PRKN: variants seen among roughly 807,000 people sequenced by gnomAD.
PRKN encodes E3 ubiquitin-protein ligase parkin.
Under a neutral mutation model 59.5 loss-of-function variants are expected in PRKN, and 56 were observed. That is an observed-to-expected ratio of 0.94 (90% CI 0.76 to 1.18). PRKN has a LOEUF of 1.18. Ranked by LOEUF, PRKN falls within the 50% of genes most tolerant of loss-of-function variation. PRKN has a pLI of 0.00. For synonymous variants in PRKN, 250 were observed against 222.1 expected (o/e 1.13, Z -1.12); for missense variants, 657 against 596.4 (o/e 1.10, Z -1.06).
At chr6:162,216,194 C>T (rs1175102558) in intron 3 of PRKN, among the ~76,000 whole-genome samples, 2 of 152,110 alleles carry the variant, frequency 1.3e-5, no homozygotes, top group African/African-American at 4.8e-5. Context: ...ATTTTCCAAA[C>T]TAATTAAACA....
rs1345677648 is a variant in PRKN at position 161,448,747 on chromosome 6, G to A, written c.1084-61870C>T. ...GGAAAGGCACTCCCTGCAGATCTGG[G>A]AAGCCATGAGCCACAGGAGCATTAG... is the stretch of plus-strand genomic sequence containing the variant. On this transcript the variant is annotated intron_variant, in intron 9 of 11. Coordinates refer to ENST00000366898, the MANE Select transcript of PRKN (RefSeq NM_004562.3). The surrounding 1 kb of genome is among the most constrained non-coding windows in gnomAD (Gnocchi z 5.1). 6.6e-6 allele frequency among the ~76,000 whole-genome samples: 1 copy of A among 152,210 alleles called. No homozygotes were observed. The highest frequency in any genetic ancestry group is 1.5e-5 in the Non-Finnish European group (1 of 68,048).
At chr6:161,882,485 G>A in intron 6 of PRKN, among the ~76,000 whole-genome samples, 1 of 152,102 alleles carries the variant, frequency 6.6e-6, no homozygotes, top group East Asian at 1.9e-4. Flanking sequence ...CTCCCACAAT[G>A]AGCTCATCCT....
At chr6:162,376,352 T>C (rs185927507) in intron 2 of PRKN, among the ~76,000 whole-genome samples, 85 of 152,250 alleles carry the variant, frequency 5.6e-4, no homozygotes, top group Non-Finnish European at 9.7e-4. Flanking sequence ...AATTGTATTA[T>C]ATTACCAGTT....
Position 162,166,047 on chromosome 6 carries a change from C to CAAAAAAAAAAA in PRKN, c.534+35073_534+35083dup, listed in dbSNP as rs10557222. Among the ~76,000 whole-genome samples the CAAAAAAAAAAA allele has an allele frequency of 1.3e-3, 108 of 80,178 alleles. 1 individual carries two copies. The highest frequency in any genetic ancestry group is 5.1e-3 in the African/African-American group (100 of 19,588). 52.6% of individuals were successfully genotyped at this position (80,178 alleles called of 152,430 possible). A position where few individuals can be genotyped will look rare whatever the true frequency, so the allele number is the denominator to read the frequency against. On this transcript the variant is annotated intron_variant, in intron 4 of 11. Transcript: ENST00000366898. The stretch of plus-strand genomic sequence containing the variant: ...TGGGCAACAGAGCGAGACTCTATCT[C>CAAAAAAAAAAA]AAAAAAAAAAAAAAAAAAAAAAAAG...
chr6:162,526,425 G>A (rs1434821184), intron 1 of PRKN, among the ~76,000 whole-genome samples: 4 of 151,806 alleles, frequency 2.6e-5, no homozygotes, highest in African/African-American at 9.7e-5. Flanking sequence ...GCCGAGGCGG[G>A]CAGATCATGA....
At position 161,550,736 on chromosome 6, in the gene PRKN, C is replaced by T. The variant is rs976459007; in HGVS notation, c.934-1733G>A. Among the ~76,000 whole-genome samples, 46 of 77,744 alleles carry T rather than the reference C, an allele frequency of 5.9e-4. No individual in the cohort carries two copies. The highest frequency in any genetic ancestry group is 2.1e-3 in the African/African-American group (39 of 18,518). 51.0% of individuals were successfully genotyped at this position (77,744 alleles called of 152,430 possible). On this transcript the variant is annotated intron_variant, in intron 8 of 11. Transcript: ENST00000366898. The surrounding 1 kb of genome is among the most constrained non-coding windows in gnomAD (Gnocchi z 4.0). ...AGAAGAAAGGGTATGTGTGTGTGTG[C>T]ACGTGTGTGTGTGTGTGTGTGTGTG...
At chr6:162,617,467 A>C (rs1046570575) in intron 1 of PRKN, among the ~76,000 whole-genome samples, 2 of 152,122 alleles carry the variant, frequency 1.3e-5, no homozygotes, top group Non-Finnish European at 2.9e-5. Context: ...CCCGACCTCA[A>C]GTGATCTGCC....
At chr6:162,438,010 C>T (rs2128165606) in intron 2 of PRKN, among the ~76,000 whole-genome samples, 1 of 152,306 alleles carries the variant, frequency 6.6e-6, no homozygotes, top group Admixed American at 6.5e-5. Flanking sequence ...ATATTCTTTT[C>T]CAGAGTGGTT....
chr6:162,158,695 G>T (rs556926493), intron 4 of PRKN, among the ~76,000 whole-genome samples: 9 of 151,824 alleles, frequency 5.9e-5, no homozygotes, highest in Non-Finnish European at 2.9e-5. Context: ...CCTTCCAAAG[G>T]GCTGGGATTA....
chr6:161,531,768 G>C (rs1274853516), intron 9 of PRKN, among the ~76,000 whole-genome samples: 1 of 152,182 alleles, frequency 6.6e-6, no homozygotes, highest in East Asian at 1.9e-4. Context: ...CAAGGGAATT[G>C]TAAACCTGAA....
intron 1 of PRKN, among the ~76,000 whole-genome samples, chr6:162,525,188 G>T (rs1348282273): frequency 5.3e-5 from 8 of 152,050 alleles, no homozygotes; most frequent in Non-Finnish European, 1.5e-5. Context: ...CTGTGACCCT[G>T]AGGAACTCCC....
At position 162,182,812 on chromosome 6, in the gene PRKN, T is replaced by G. The variant is rs75396369; in HGVS notation, c.534+18319A>C. Among the ~76,000 whole-genome samples, 88 of 152,304 alleles carry G rather than the reference T, an allele frequency of 5.8e-4. No individual in the cohort carries two copies. The East Asian group carries it at 0.014, about 24-fold the overall frequency. On this transcript the variant is annotated intron_variant, in intron 4 of 11. Transcript: ENST00000366898. ...TTGGCACCATTTTTCCAACAGCATATGCTCATTTTGTATCTCTTTGTCACA... is the reference window on the plus strand; with the variant it reads ...TTGGCACCATTTTTCCAACAGCATAGGCTCATTTTGTATCTCTTTGTCACA...
Position 161,675,617 on chromosome 6 carries a change from C to T in PRKN, c.872-106201G>A, listed in dbSNP as rs542963821. ...TGAATCTTCTTCATCTCCTTGTCAA[C>T]CTGTTATATGCTCTCTTGCTGCTTA... On this transcript the variant is annotated intron_variant, in intron 7 of 11. Transcript: ENST00000366898. 4.6e-5 allele frequency among the ~76,000 whole-genome samples: 7 copies of T among 152,282 alleles called. No homozygotes were observed. The South Asian group carries it at 6.2e-4, about 14-fold the overall frequency.
rs1457509650 is a variant in PRKN, at chr6:161,874,969, T to G, written c.735-89061A>C. ...TTATAGGTACTTTATATATAATATA[T>G]AATTTATTATATTATATACTTTATA... On this transcript the variant is annotated intron_variant, in intron 6 of 11. Coordinates refer to ENST00000366898, the MANE Select transcript of PRKN (RefSeq NM_004562.3). Among the ~76,000 whole-genome samples the G allele has an allele frequency of 2.8e-5, 3 of 105,434 alleles. 1 individual carries two copies. Among genetic ancestry groups the G allele is most frequent in the African/African-American group, 1.4e-4 (3 of 21,496 alleles). The allele number at this position is 105,434 out of a possible 152,430, so 69.2% of individuals were successfully genotyped here.
intron 7 of PRKN, among the ~76,000 whole-genome samples, chr6:161,660,814 C>T (rs1351569178): frequency 2.0e-5 from 3 of 152,160 alleles, no homozygotes; most frequent in Non-Finnish European, 4.4e-5. Context: ...GATGATGGCA[C>T]GTCCTGACTC....
rs949335556 is a variant in PRKN, at chr6:161,488,093, G to C, written c.1083+60761C>G. On this transcript the variant is annotated intron_variant, in intron 9 of 11. Transcript: ENST00000366898. This position sits in a 1 kb window ranked among gnomAD's most constrained non-coding sequence, Gnocchi z 4.5. Reference sequence around the variant, plus strand: ...CAGGGCTGGCTTACAGGGTGAGATCGTGCAGTGGTTGGGGAAGGCATGGTC... The same window carrying C: ...CAGGGCTGGCTTACAGGGTGAGATCCTGCAGTGGTTGGGGAAGGCATGGTC... Among the ~76,000 whole-genome samples, 1 of 152,218 alleles carries C rather than the reference G, an allele frequency of 6.6e-6. No homozygotes were observed. Among genetic ancestry groups the C allele is most frequent in the Non-Finnish European group, 1.5e-5 (1 of 68,048 alleles).
At chr6:162,469,198 C>T (rs1374338391) in intron 1 of PRKN, among the ~76,000 whole-genome samples, 1 of 152,098 alleles carries the variant, frequency 6.6e-6, no homozygotes, top group Non-Finnish European at 1.5e-5. Flanking sequence ...CTTAAGACTA[C>T]TGTGTTTGAA....
intron 7 of PRKN, among the ~76,000 whole-genome samples, chr6:161,663,322 G>A (rs58522302): frequency 0.014 from 2,062 of 152,158 alleles, 40 homozygotes; most frequent in African/African-American, 0.048. Flanking sequence ...CGACTTTGGC[G>A]AAGTCTCTGA....
At chr6:161,979,251 G>C (rs1272900949) in intron 5 of PRKN, among the ~76,000 whole-genome samples, 1 of 152,010 alleles carries the variant, frequency 6.6e-6, no homozygotes, top group Admixed American at 6.6e-5. Context: ...TTGTGACACT[G>C]TTAAATGCCA....
Sources: gnomAD v4.1 joint callset for allele counts (sites outside exome capture counted in the v4.1 genomes callset) on GRCh38, gnomAD v4.1.1 for gene constraint, Gnocchi (gnomAD v3.1) non-coding constraint, MANE v1.5 for transcripts, NCBI Gene and HGNC (gene_info 2026-07-23, HGNC 2026-07-21) for gene names.